ABCA13: variants seen among roughly 807,000 people sequenced by gnomAD.
ABCA13 encodes the protein ATP-binding cassette sub-family A member 13.
In ABCA13, 476 loss-of-function variants were observed where a neutral mutation model predicts 478.7. The observed-to-expected ratio is 0.99, with a 90% CI of 0.92 to 1.07. The LOEUF (loss-of-function observed/expected upper bound fraction) is 1.07, where lower values mean the gene tolerates loss of function less well. Ranked by LOEUF, ABCA13 falls within the 50% of genes least tolerant of loss-of-function variation. The pLI is 0.00. For missense variants in ABCA13, 6,060 were observed against 5,910.6 expected (o/e 1.03, Z -0.83); for synonymous variants, 2,252 against 2,158.9 (o/e 1.04, Z -1.20).
intron 57 of ABCA13, among the ~76,000 whole-genome samples, chr7:48,590,655 C>T (rs931862701): frequency 1.3e-5 from 2 of 152,082 alleles, no homozygotes; most frequent in Non-Finnish European, 2.9e-5. Flanking sequence ...TGGTTATCTT[C>T]TGTCCTTTTA....
At chr7:48,543,623 C>A (rs1420023807) in intron 55 of ABCA13, among the ~76,000 whole-genome samples, 8 of 149,392 alleles carry the variant, frequency 5.4e-5, no homozygotes, top group Non-Finnish European at 1.0e-4. Context: ...GACTCCATCT[C>A]AAAAAAGTAA....
At chr7:48,212,549 C>A (rs1160646897) in intron 3 of ABCA13, among the ~76,000 whole-genome samples, 1 of 152,172 alleles carries the variant, frequency 6.6e-6, no homozygotes, top group Non-Finnish European at 1.5e-5. Context: ...TTTATACTCC[C>A]AACATCAATA....
chr7:48,177,600 C>G lies in ABCA13; in HGVS notation c.69+6048C>G, dbSNP rs373721537. 1.1e-4 allele frequency among the ~76,000 whole-genome samples: 16 copies of G among 152,318 alleles called. 1 individual carries two copies. The Middle Eastern group carries it at 0.01, about 97-fold the overall frequency. ...GGTGTAGGAGCCCTTGAACTATTCT[C>G]GTTTCCAGCACTTACACGGAGGTGA... On this transcript the variant is annotated intron_variant, in intron 1 of 61. Transcript: ENST00000435803.
At chr7:48,352,549 G>A in intron 31 of ABCA13, 62 bp downstream of exon 31, 1 of 1,445,998 alleles carries the variant, frequency 6.9e-7, no homozygotes. Context: ...TCTAGCTGAG[G>A]AGAGAAAACT....
intron 36 of ABCA13, 125 bp from the exon 37 acceptor site, chr7:48,388,915 A>T: frequency 9.3e-7 from 1 of 1,075,598 alleles, no homozygotes; most frequent in Non-Finnish European, 1.3e-6. Context: ...AAGATTTTTG[A>T]GTTGATTTGT....
chr7:48,399,195 T>G (rs938823798), intron 38 of ABCA13, among the ~76,000 whole-genome samples: 1 of 151,726 alleles, frequency 6.6e-6, no homozygotes. Context: ...AAAAGTGAGG[T>G]CAAGAGAAAA....
intron 38 of ABCA13, among the ~76,000 whole-genome samples, chr7:48,399,942 T>C (rs982051250): frequency 2.0e-5 from 3 of 152,210 alleles, no homozygotes; most frequent in Non-Finnish European, 4.4e-5. Context: ...TCCTGTCTTA[T>C]CTGAGGTCAT....
chr7:48,374,343 G>T lies in ABCA13; in HGVS notation c.11134-4G>T. Reference sequence around the variant, plus strand: ...GCAGTTTTTCTCCATCAATCTGTGGGCAGTGCCTTCTTTCGACAACCGCCT... The same window carrying T: ...GCAGTTTTTCTCCATCAATCTGTGGTCAGTGCCTTCTTTCGACAACCGCCT... On this transcript the variant is annotated splice_region_variant and splice_polypyrimidine_tract_variant and intron_variant, in intron 33 of 61. Coordinates refer to ENST00000435803, the MANE Select transcript of ABCA13 (RefSeq NM_152701.5). 1.2e-6 allele frequency: 2 copies of T among 1,607,202 alleles called. No individual in the cohort carries two copies. The highest frequency in any genetic ancestry group is 1.7e-6 in the Non-Finnish European group (2 of 1,177,152).
chr7:48,384,835 G>A lies in ABCA13; in HGVS notation c.11336-2987G>A, dbSNP rs74814504. Among the ~76,000 whole-genome samples, 106 of 152,246 alleles carry A rather than the reference G, an allele frequency of 7.0e-4. 1 individual carries two copies. In the Middle Eastern group the frequency reaches 0.02, roughly 29 times the overall value. On this transcript the variant is annotated intron_variant, in intron 35 of 61. Transcript: ENST00000435803. ...TGTATGTGGGTATATATATGGACTG[G>A]TTTCTCCCAAGGCCACTCTCCTTGG...
Position 48,307,116 on chromosome 7 carries a change from C to A in ABCA13, c.9322-2831C>A, listed in dbSNP as rs7458688. On this transcript the variant is annotated intron_variant, in intron 23 of 61. Transcript: ENST00000435803. ...CATGAGCCAATTCCTTAAAATAAAT[C>A]TCTCTCAATGTATGTATGCTATGTG... 8.4e-3 allele frequency among the ~76,000 whole-genome samples: 1,274 copies of A among 152,364 alleles called. 19 individuals carry two copies. Among genetic ancestry groups the A allele is most frequent in the African/African-American group, 0.025 (1,049 of 41,578 alleles).
chr7:48,329,626 C>T (rs1006343783), intron 27 of ABCA13, among the ~76,000 whole-genome samples: 4 of 152,024 alleles, frequency 2.6e-5, no homozygotes, highest in Non-Finnish European at 5.9e-5. Context: ...TCCATCCATC[C>T]ATCCATCCAT....
At chr7:48,240,742 A>C (rs1374553963) in intron 9 of ABCA13, 125 bp from the exon 10 acceptor site, 1 of 764,548 alleles carries the variant, frequency 1.3e-6, no homozygotes, top group Non-Finnish European at 1.8e-6. Context: ...CAGACATTTT[A>C]ATTTACCAAA....
At chr7:48,503,828 T>C (rs2130837642) in intron 48 of ABCA13, among the ~76,000 whole-genome samples, 1 of 152,332 alleles carries the variant, frequency 6.6e-6, no homozygotes, top group Non-Finnish European at 1.5e-5. Flanking sequence ...ATGGGTTTGC[T>C]GGAGCATATG....
intron 60 of ABCA13, 73 bp downstream of exon 60, chr7:48,643,466 G>A: frequency 1.5e-6 from 2 of 1,333,154 alleles, no homozygotes; most frequent in South Asian, 2.5e-5. Context: ...GTCTTTTTTT[G>A]TTTTTATTCT....
intron 20 of ABCA13, among the ~76,000 whole-genome samples, chr7:48,295,276 T>C (rs964064280): frequency 6.6e-6 from 1 of 152,230 alleles, no homozygotes; most frequent in Non-Finnish European, 1.5e-5. Context: ...TTCCTGATGA[T>C]TAGTGAAATT....
chr7:48,303,080 A>G (rs910673615), intron 23 of ABCA13, among the ~76,000 whole-genome samples: 2 of 152,140 alleles, frequency 1.3e-5, no homozygotes, highest in African/African-American at 4.8e-5. Context: ...GCATGTCTCT[A>G]ATGATCAGTA....
chr7:48,333,212 A>G (rs1805680254), intron 27 of ABCA13, among the ~76,000 whole-genome samples: 1 of 152,136 alleles, frequency 6.6e-6, no homozygotes, highest in Non-Finnish European at 1.5e-5. Flanking sequence ...CTCCTCTGCC[A>G]TCTCCATTCT....
chr7:48,638,725 G>C (rs565362718), intron 59 of ABCA13, among the ~76,000 whole-genome samples: 18 of 152,272 alleles, frequency 1.2e-4, no homozygotes, highest in South Asian at 1.0e-3. Flanking sequence ...TTAATAAGCT[G>C]AGTGACAAAG....
At chr7:48,584,635 C>A (rs576019573) in intron 56 of ABCA13, among the ~76,000 whole-genome samples, 11 of 152,246 alleles carry the variant, frequency 7.2e-5, no homozygotes, top group African/African-American at 2.6e-4. Flanking sequence ...TGGGCTCTGA[C>A]CACCCTCAAC....
Sources: allele counts gnomAD v4.1 joint callset (sites outside exome capture counted in the v4.1 genomes callset), GRCh38; gene constraint gnomAD v4.1.1; transcripts MANE v1.5; gene names NCBI Gene and HGNC (gene_info 2026-07-23, HGNC 2026-07-21).